STEAP2: variants seen among roughly 807,000 people sequenced by gnomAD.
STEAP2 encodes STEAP2 metalloreductase, also known as metalloreductase STEAP2.
Under a neutral mutation model 46.4 loss-of-function variants are expected in STEAP2, and 30 were observed. The ratio of observed to expected loss-of-function variants is 0.65; its 90% confidence interval spans 0.48 to 0.88. The LOEUF is 0.88. Among genes scored for constraint, STEAP2 ranks in the 40% least tolerant of loss-of-function variants. STEAP2 has a pLI of 0.00. For missense variants in STEAP2, 513 were observed against 579.3 expected (o/e 0.89, Z 1.18); for synonymous variants, 180 against 200.5 (o/e 0.90, Z 0.86).
downstream of STEAP2, among the ~76,000 whole-genome samples, chr7:90,243,041 C>T (rs891752389): frequency 2.0e-5 from 3 of 152,248 alleles, no homozygotes; most frequent in East Asian, 1.9e-4. Flanking sequence ...ATGAGAAAAG[C>T]GGAAGAATGA....
chr7:90,214,844 T>C (rs1794952165), intron 1 of STEAP2, among the ~76,000 whole-genome samples: 1 of 152,166 alleles, frequency 6.6e-6, no homozygotes, highest in African/African-American at 2.4e-5. Flanking sequence ...AGGCAGTGAG[T>C]GACTGAGGTG....
Position 90,235,425 on chromosome 7 carries a change from T to C in STEAP2, c.*2801T>C. 1 of 981,726 alleles carries C rather than the reference T, an allele frequency of 1.0e-6. No homozygotes were observed. Among genetic ancestry groups the C allele is most frequent in the Non-Finnish European group, 1.2e-6 (1 of 826,530 alleles). The allele number at this position is 981,726 out of a possible 1,614,324, so 60.8% of individuals were successfully genotyped here. On this transcript the variant is annotated 3_prime_UTR_variant, in exon 6 of 6. Coordinates refer to ENST00000394621, the MANE Select transcript of STEAP2 (RefSeq NM_001244944.2). ...TGATTATTTTTCTTAATTGTTATTT[T>C]TTATAATCATTATTTTTCTGAACCA...
At chr7:90,219,385 T>G (rs1353937537) in intron 2 of STEAP2, among the ~76,000 whole-genome samples, 1 of 152,154 alleles carries the variant, frequency 6.6e-6, no homozygotes, top group East Asian at 1.9e-4. Flanking sequence ...GGCTTTGAGC[T>G]TTTCCCCATT....
chr7:90,229,715 C>A (rs190766415), intron 4 of STEAP2, among the ~76,000 whole-genome samples, 157 bp from the exon 5 acceptor site: 3 of 152,238 alleles, frequency 2.0e-5, no homozygotes, highest in Admixed American at 2.0e-4. Flanking sequence ...CAGTATCATC[C>A]AGTAACAGGT....
At chr7:90,220,382 T>C (rs890463373) in intron 2 of STEAP2, among the ~76,000 whole-genome samples, 1 of 152,214 alleles carries the variant, frequency 6.6e-6, no homozygotes, top group South Asian at 2.1e-4. Flanking sequence ...TGTAGCAGTT[T>C]ATCCATTTCC....
downstream of STEAP2, among the ~76,000 whole-genome samples, chr7:90,241,055 A>G (rs945633214): frequency 2.0e-5 from 3 of 152,226 alleles, no homozygotes; most frequent in Non-Finnish European, 4.4e-5. Flanking sequence ...TAAACCCACT[A>G]TTATTTGGGA....
rs188071656 is a variant in STEAP2 at position 90,225,344 on chromosome 7, A to G, written c.262A>G (p.Ile88Val). The change falls in exon 3 of 6, where the codon ATA becomes GTA. Residue 88 changes from isoleucine (I) to valine (V), a missense_variant. Ile to Val is a conservative substitution (Grantham distance 29). Transcript: ENST00000394621. ...TGAAGATGCTCTCACAAAAACAAAT[A>G]TAATATTTGTTGCTATACACAGAGA... is the stretch of plus-strand genomic sequence containing the variant. ...HHEDALTKTN[I>V]IFVAIHREHY... is the part of the protein sequence containing the mutation. 19 of 1,613,958 alleles carry G rather than the reference A, an allele frequency of 1.2e-5. No individual in the cohort carries two copies. In the Admixed American group the frequency reaches 2.0e-4, roughly 17 times the overall value.
chr7:90,234,638 C>T lies in STEAP2; in HGVS notation c.*2014C>T. On this transcript the variant is annotated 3_prime_UTR_variant, in exon 6 of 6. Transcript: ENST00000394621. ...CGATCTCGGCTCACTGCAAGCTCTGCCTCCCGGGTTCACGCCATTCTCCTG... is the reference window on the plus strand; with the variant it reads ...CGATCTCGGCTCACTGCAAGCTCTGTCTCCCGGGTTCACGCCATTCTCCTG... The T allele has an allele frequency of 1.4e-6, 1 of 710,502 alleles. No homozygotes were observed. Among genetic ancestry groups the T allele is most frequent in the South Asian group, 6.4e-5 (1 of 15,726 alleles). 44.0% of individuals were successfully genotyped at this position (710,502 alleles called of 1,614,324 possible).
At chr7:90,217,587 G>A (rs1412958667) in intron 2 of STEAP2, among the ~76,000 whole-genome samples, 1 of 150,852 alleles carries the variant, frequency 6.6e-6, no homozygotes, top group East Asian at 1.9e-4. Context: ...CAAATGACAC[G>A]ATTTCATTTT....
At chr7:90,214,932 C>CTTGAATGAT (rs1267336152) in intron 1 of STEAP2, among the ~76,000 whole-genome samples, 1 of 152,092 alleles carries the variant, frequency 6.6e-6, no homozygotes, top group African/African-American at 2.4e-5. Context: ...GGTTCATCCA[C>CTTGAATGAT]TTGAATGATA....
In STEAP2 at chr7:90,237,051, C is replaced by A; in HGVS notation, c.*4427C>A. ...GTTGGCCAGTGAGATGAAGTCTCCT[C>A]AAAGGAAGGCAGCATGTGTCCTTTT... On this transcript the variant is annotated 3_prime_UTR_variant, in exon 6 of 6. Coordinates refer to ENST00000394621, the MANE Select transcript of STEAP2 (RefSeq NM_001244944.2). The A allele has an allele frequency of 1.6e-6, 2 of 1,253,592 alleles. No homozygotes were observed. Among genetic ancestry groups the A allele is most frequent in the South Asian group, 1.3e-5 (1 of 75,986 alleles). 77.7% of individuals were successfully genotyped at this position (1,253,592 alleles called of 1,614,324 possible). A position where few individuals can be genotyped will look rare whatever the true frequency, so the allele number is the denominator to read the frequency against.
chr7:90,237,126 C>A lies in STEAP2; in HGVS notation c.*4502C>A. 2 of 635,120 alleles carry A rather than the reference C, an allele frequency of 3.1e-6. No homozygotes were observed. The highest frequency in any genetic ancestry group is 5.2e-6 in the Non-Finnish European group (2 of 385,954). The allele number at this position is 635,120 out of a possible 1,614,324, so 39.3% of individuals were successfully genotyped here. Reference sequence around the variant, plus strand: ...ATTGTGGATATAACAGGAGCCCTGGCAGCTGTCTCCAGAGGATCAAAGCCA... The same window carrying A: ...ATTGTGGATATAACAGGAGCCCTGGAAGCTGTCTCCAGAGGATCAAAGCCA... On this transcript the variant is annotated 3_prime_UTR_variant, in exon 6 of 6. Transcript: ENST00000394621.
At chr7:90,219,817 T>C (rs1333078750) in intron 2 of STEAP2, among the ~76,000 whole-genome samples, 1 of 152,174 alleles carries the variant, frequency 6.6e-6, no homozygotes, top group Non-Finnish European at 1.5e-5. Context: ...AGCCTTCAAC[T>C]TCTGGGCTCA....
downstream of STEAP2, chr7:90,238,127 G>C (rs1422360451): frequency 1.4e-6 from 1 of 703,762 alleles, no homozygotes. Context: ...TTGTCCTAAA[G>C]AGTTTCTGCT....
intron 2 of STEAP2, among the ~76,000 whole-genome samples, chr7:90,220,416 G>C (rs1011388771): frequency 4.6e-5 from 7 of 152,108 alleles, no homozygotes; most frequent in African/African-American, 1.7e-4. Context: ...GTTTGTTGGT[G>C]TATAGTTGTT....
At chr7:90,225,736 C>A (rs533645179) in intron 3 of STEAP2, among the ~76,000 whole-genome samples, 162 bp downstream of exon 3, 1 of 152,196 alleles carries the variant, frequency 6.6e-6, no homozygotes, top group African/African-American at 2.4e-5. Context: ...CTTGTAAGGG[C>A]ACATTCCCAT....
Position 90,213,698 on chromosome 7 carries a change from G to A in STEAP2, c.-147+1653G>A, listed in dbSNP as rs1361681503. The A allele has an allele frequency of 2.6e-5, 4 of 152,248 alleles. No individual in the cohort carries two copies. The South Asian group carries it at 6.2e-4, about 24-fold the overall frequency. 9.4% of individuals were successfully genotyped at this position (152,248 alleles called of 1,614,324 possible). A position where few individuals can be genotyped will look rare whatever the true frequency, so the allele number is the denominator to read the frequency against. On this transcript the variant is annotated intron_variant, in intron 1 of 5. Transcript: ENST00000394621. ...CAGCCAATGTGGAGGCAGTGATCAC[G>A]GACAAGACAAACATGGTTCTTCCCT...
At position 90,234,039 on chromosome 7, in the gene STEAP2, C is replaced by T. The variant is rs1795865868; in HGVS notation, c.*1415C>T. On this transcript the variant is annotated 3_prime_UTR_variant, in exon 6 of 6. Coordinates refer to ENST00000394621, the MANE Select transcript of STEAP2 (RefSeq NM_001244944.2). ...GTGTTAACAAATTGCTGAGATCCCA[C>T]GGAGTCTTTCAAAAATCTCTGTAGA... The T allele has an allele frequency of 1.0e-6, 1 of 985,362 alleles. No homozygotes were observed. Among genetic ancestry groups the T allele is most frequent in the Non-Finnish European group, 1.2e-6 (1 of 829,916 alleles). The allele number at this position is 985,362 out of a possible 1,614,324, so 61.0% of individuals were successfully genotyped here.
chr7:90,242,879 G>T (rs1425870168), downstream of STEAP2, among the ~76,000 whole-genome samples: 1 of 152,134 alleles, frequency 6.6e-6, no homozygotes, highest in East Asian at 1.9e-4. Flanking sequence ...AAAACAAAAA[G>T]AATGTGGAAG....
Sources: gnomAD v4.1 joint callset for allele counts (sites outside exome capture counted in the v4.1 genomes callset) on GRCh38, gnomAD v4.1.1 for gene constraint, MANE v1.5 for transcripts, NCBI Gene and HGNC (gene_info 2026-07-23, HGNC 2026-07-21) for gene names.